Variants in PCBD2 observed in about 807,000 individuals in gnomAD.
PCBD2 encodes pterin-4-alpha-carbinolamine dehydratase 2.
PCBD2 carries 12 observed loss-of-function variants against 16.4 expected under a neutral mutation model. That is an observed-to-expected ratio of 0.73 (90% confidence interval 0.47 to 1.19). The LOEUF (loss-of-function observed/expected upper bound fraction) is 1.19. PCBD2 is among the 50% of genes most tolerant of loss of function. The pLI is 0.00. For synonymous variants in PCBD2, 58 were observed against 61.8 expected (o/e 0.94, Z 0.29); for missense variants, 138 against 156.8 (o/e 0.88, Z 0.64).
intron 2 of PCBD2, among the ~76,000 whole-genome samples, chr5:134,932,332 A>G (rs1580887080): frequency 6.6e-6 from 1 of 150,480 alleles, no homozygotes; most frequent in Admixed American, 6.6e-5. Context: ...TGCATGCCAC[A>G]TTGCCTGGCT....
At chr5:134,911,758 C>T (rs920225361) in intron 2 of PCBD2, among the ~76,000 whole-genome samples, 5 of 152,202 alleles carry the variant, frequency 3.3e-5, no homozygotes, top group African/African-American at 1.2e-4. Flanking sequence ...CTGCCAGCCT[C>T]TGCTGTGAGT....
intron 2 of PCBD2, chr5:134,926,804 A>G: frequency 2.5e-6 from 1 of 398,058 alleles, no homozygotes; most frequent in East Asian, 3.6e-5. Flanking sequence ...GTGTTGTGGT[A>G]AATATGTAGA....
intron 2 of PCBD2, among the ~76,000 whole-genome samples, chr5:134,953,779 C>T (rs901328214): frequency 2.6e-5 from 4 of 151,858 alleles, no homozygotes; most frequent in East Asian, 3.9e-4. Context: ...CCAGCCTGGG[C>T]GACAGAGTGA....
chr5:134,948,973 C>T (rs991704606), intron 2 of PCBD2, among the ~76,000 whole-genome samples: 2 of 152,054 alleles, frequency 1.3e-5, no homozygotes, highest in African/African-American at 2.4e-5. Flanking sequence ...GTTGGATATT[C>T]TTGGCCTGAG....
At chr5:134,938,727 T>C (rs958069536) in intron 2 of PCBD2, among the ~76,000 whole-genome samples, 16 of 152,192 alleles carry the variant, frequency 1.1e-4, no homozygotes, top group African/African-American at 3.9e-4. Flanking sequence ...TTAATTACTT[T>C]AAAAAATATA....
At chr5:134,912,392 G>A (rs990102014) in intron 2 of PCBD2, among the ~76,000 whole-genome samples, 5 of 152,222 alleles carry the variant, frequency 3.3e-5, no homozygotes, top group Admixed American at 6.5e-5. Flanking sequence ...AGTCGAACAA[G>A]TTGAGCTTAT....
chr5:134,905,359 A>C (rs1022374720), intron 1 of PCBD2, 136 bp downstream of exon 1: 172 of 759,026 alleles, frequency 2.3e-4, no homozygotes, highest in Non-Finnish European at 2.8e-4. Context: ...GCGTCGGGTC[A>C]CCGCGTCCCG....
intron 2 of PCBD2, among the ~76,000 whole-genome samples, chr5:134,931,641 T>G (rs1052452450): frequency 2.6e-5 from 4 of 152,168 alleles, no homozygotes; most frequent in African/African-American, 9.7e-5. Flanking sequence ...AGGCCAGATA[T>G]CCCACCCTAA....
In PCBD2 at chr5:134,960,817, A is replaced by T; in HGVS notation, c.*136A>T. 1.4e-6 allele frequency: 1 copy of T among 690,618 alleles called. No homozygotes were observed. The allele number at this position is 690,618 out of a possible 1,614,324, so 42.8% of individuals were successfully genotyped here. A position where few individuals can be genotyped will look rare whatever the true frequency, so the allele number is the denominator to read the frequency against. On this transcript the variant is annotated 3_prime_UTR_variant, in exon 4 of 4. Coordinates refer to ENST00000254908, the MANE Select transcript of PCBD2 (RefSeq NM_032151.5). ...AGTGTTGCTCTGTCGCCCAGGCCAGAGTGCAGTGGTATGATCTCGGCTCAC... is the reference window on the plus strand; with the variant it reads ...AGTGTTGCTCTGTCGCCCAGGCCAGTGTGCAGTGGTATGATCTCGGCTCAC...
intron 3 of PCBD2, among the ~76,000 whole-genome samples, chr5:134,960,031 C>T (rs1751458085): frequency 6.6e-6 from 1 of 151,742 alleles, no homozygotes; most frequent in Non-Finnish European, 1.5e-5. Flanking sequence ...GCTGGGATCA[C>T]AGGCGTGCAG....
intron 2 of PCBD2, among the ~76,000 whole-genome samples, chr5:134,912,575 T>G (rs1750782025): frequency 6.6e-6 from 1 of 152,208 alleles, no homozygotes; most frequent in East Asian, 1.9e-4. Flanking sequence ...GAGAGTAGAT[T>G]AAAGCAGTGC....
rs58911694 is a variant in PCBD2, at chr5:134,962,072, TTGTGTGTGTG to T, written c.*1417_*1426del. Among the ~76,000 whole-genome samples the T allele has an allele frequency of 2.1e-5, 3 of 140,490 alleles. No individual in the cohort carries two copies. Among genetic ancestry groups the T allele is most frequent in the Non-Finnish European group, 4.6e-5 (3 of 64,936 alleles). The allele number at this position is 140,490 out of a possible 152,430, so 92.2% of individuals were successfully genotyped here. On this transcript the variant is annotated 3_prime_UTR_variant, in exon 4 of 4. Transcript: ENST00000254908. Reference sequence around the variant, plus strand: ...CATTGCCCCCAGCCAGTATAACAGTTTGTGTGTGTGTGTGTGTGTGTGTGTGTGTGTGTGT... The same window carrying T: ...CATTGCCCCCAGCCAGTATAACAGTTTGTGTGTGTGTGTGTGTGTGTGTGT...
intron 2 of PCBD2, among the ~76,000 whole-genome samples, chr5:134,934,264 T>A (rs985090023): frequency 1.2e-4 from 19 of 152,004 alleles, no homozygotes; most frequent in African/African-American, 4.6e-4. Context: ...TAATTACTTA[T>A]AATGATTTTA....
At chr5:134,923,664 A>G (rs1320186122) in intron 2 of PCBD2, 3 of 377,222 alleles carry the variant, frequency 8.0e-6, no homozygotes, top group Non-Finnish European at 1.4e-5. Context: ...GACATAGCCC[A>G]TGAAGGCTGT....
intron 2 of PCBD2, chr5:134,924,639 G>C (rs1750961679): frequency 2.5e-6 from 1 of 397,324 alleles, no homozygotes; most frequent in Non-Finnish European, 4.4e-6. Context: ...GATTGCTCGG[G>C]GGAATAGATT....
At chr5:134,926,866 T>C (rs1476703222) in intron 2 of PCBD2, 1 of 398,464 alleles carries the variant, frequency 2.5e-6, no homozygotes, top group South Asian at 1.3e-4. Flanking sequence ...AGGAGAGTGA[T>C]ATTTGATCAG....
At chr5:134,919,007 A>G (rs989641603) in intron 2 of PCBD2, among the ~76,000 whole-genome samples, 1 of 152,256 alleles carries the variant, frequency 6.6e-6, no homozygotes, top group African/African-American at 2.4e-5. Context: ...ACAGGTGTCA[A>G]CAATGCAAAT....
intron 2 of PCBD2, among the ~76,000 whole-genome samples, chr5:134,937,430 G>A (rs1296944388): frequency 6.6e-6 from 1 of 152,088 alleles, no homozygotes; most frequent in Non-Finnish European, 1.5e-5. Flanking sequence ...ATCTAATATT[G>A]CAGTGTTTTA....
At chr5:134,940,663 A>G (rs1297445894) in intron 2 of PCBD2, among the ~76,000 whole-genome samples, 1 of 152,192 alleles carries the variant, frequency 6.6e-6, no homozygotes, top group East Asian at 1.9e-4. Context: ...GCAGTACTCT[A>G]TTCTCTAGGC....
Sources: gnomAD v4.1 joint callset for allele counts (sites outside exome capture counted in the v4.1 genomes callset) on GRCh38, gnomAD v4.1.1 for gene constraint, MANE v1.5 for transcripts, NCBI Gene and HGNC (gene_info 2026-07-23, HGNC 2026-07-21) for gene names.